MDFIC2: variants seen among roughly 807,000 people sequenced by gnomAD.
The protein encoded by MDFIC2 is myoD family inhibitor domain-containing protein 2.
At chr3:70,265,628 G>C (rs77335725) in intron 2 of MDFIC2, among the ~76,000 whole-genome samples, 6,375 of 152,228 alleles carry the variant, frequency 0.042, 257 homozygotes, top group East Asian at 0.15. Flanking sequence ...AGCAGATAAG[G>C]GACATTTTCT....
At chr3:70,279,376 G>T (rs969542897) in intron 2 of MDFIC2, among the ~76,000 whole-genome samples, 1 of 152,028 alleles carries the variant, frequency 6.6e-6, no homozygotes, top group Admixed American at 6.6e-5. Context: ...ATGGTCATTT[G>T]ATTAACTACA....
chr3:70,283,455 T>C (rs1433451707), intron 2 of MDFIC2, among the ~76,000 whole-genome samples: 1 of 152,114 alleles, frequency 6.6e-6, no homozygotes. Flanking sequence ...AGCAAGGGCC[T>C]TGAAGAGAGG....
intron 2 of MDFIC2, among the ~76,000 whole-genome samples, chr3:70,238,611 A>G (rs1253136902): frequency 1.3e-5 from 2 of 151,718 alleles, no homozygotes; most frequent in African/African-American, 4.8e-5. Context: ...ACTTGTCTCA[A>G]AAAAGAAAAA....
At chr3:70,259,931 G>T (rs1446591201) in intron 2 of MDFIC2, among the ~76,000 whole-genome samples, 1 of 152,120 alleles carries the variant, frequency 6.6e-6, no homozygotes, top group Admixed American at 6.5e-5. Context: ...AGTGCCAAGT[G>T]AAGGGGAAAG....
chr3:70,271,365 G>C (rs1388754968), intron 2 of MDFIC2, among the ~76,000 whole-genome samples: 1 of 152,154 alleles, frequency 6.6e-6, no homozygotes, highest in Non-Finnish European at 1.5e-5. Flanking sequence ...CTCCATTGGT[G>C]AGCTCACTGG....
intron 2 of MDFIC2, among the ~76,000 whole-genome samples, chr3:70,271,186 C>A (rs1352602198): frequency 2.0e-5 from 3 of 152,052 alleles, no homozygotes; most frequent in Non-Finnish European, 4.4e-5. Context: ...GACTTTTGCA[C>A]CAACCTAATT....
Position 70,212,268 on chromosome 3 carries a change from C to G in MDFIC2, c.89-5478G>C, listed in dbSNP as rs569568350. ...AGTAATCACAAATTACAGCTTCACA[C>G]TTGTAACTGTCTATTGGACATTTTT... On this transcript the variant is annotated intron_variant, in intron 2 of 3. Coordinates refer to ENST00000567252, the MANE Select transcript of MDFIC2 (RefSeq NM_001364677.1). Among the ~76,000 whole-genome samples, 149 of 152,274 alleles carry G rather than the reference C, an allele frequency of 9.8e-4. 1 individual carries two copies. The highest frequency in any genetic ancestry group is 6.8e-3 in the Middle Eastern group (2 of 294).
rs115193884 is a variant in MDFIC2, at chr3:70,272,739, T to C, written c.88+39147A>G. Among the ~76,000 whole-genome samples, 619 of 152,318 alleles carry C rather than the reference T, an allele frequency of 4.1e-3. 4 individuals are homozygous for C. Among genetic ancestry groups the C allele is most frequent in the African/African-American group, 0.015 (608 of 41,560 alleles). ...TTGCATTGCTGGAATGTACAAACAT[T>C]ATTATCCTTCCTCTAAATTCCCCTT... On this transcript the variant is annotated intron_variant, in intron 2 of 3. Coordinates refer to ENST00000567252, the MANE Select transcript of MDFIC2 (RefSeq NM_001364677.1).
At chr3:70,288,487 T>A (rs551817669) in intron 2 of MDFIC2, among the ~76,000 whole-genome samples, 1 of 151,302 alleles carries the variant, frequency 6.6e-6, no homozygotes, top group African/African-American at 2.4e-5. Flanking sequence ...AAGTATGTGG[T>A]CAATTTTGGA....
chr3:70,206,394 C>T (rs1041100866), intron 3 of MDFIC2, among the ~76,000 whole-genome samples, 175 bp downstream of exon 3: 1 of 152,050 alleles, frequency 6.6e-6, no homozygotes, highest in South Asian at 2.1e-4. Context: ...CTGCCAAGCG[C>T]CTCATAACTG....
intron 2 of MDFIC2, among the ~76,000 whole-genome samples, chr3:70,264,994 G>C (rs1701902783): frequency 6.6e-6 from 1 of 152,194 alleles, no homozygotes; most frequent in Non-Finnish European, 1.5e-5. Flanking sequence ...GTGGCAGCAA[G>C]AGAGCATGTG....
At chr3:70,305,131 A>G (rs986970677) in intron 2 of MDFIC2, among the ~76,000 whole-genome samples, 1 of 152,166 alleles carries the variant, frequency 6.6e-6, no homozygotes, top group African/African-American at 2.4e-5. Flanking sequence ...TCTTGTTTCA[A>G]AGCTTCGAAA....
intron 2 of MDFIC2, among the ~76,000 whole-genome samples, chr3:70,236,547 T>C (rs1701610825): frequency 6.6e-6 from 1 of 152,210 alleles, no homozygotes; most frequent in Non-Finnish European, 1.5e-5. Context: ...TATTAATTTT[T>C]TAAAGTCCAT....
rs374222183 is a variant in MDFIC2 at position 70,197,079 on chromosome 3, G to C, written c.417C>G (p.Pro139=). The C allele has an allele frequency of 1.8e-5, 7 of 398,470 alleles. No homozygotes were observed. Among genetic ancestry groups the C allele is most frequent in the Non-Finnish European group, 3.1e-5 (7 of 226,066 alleles). The allele number at this position is 398,470 out of a possible 1,614,324, so 24.7% of individuals were successfully genotyped here. The change falls in exon 4 of 4, where the codon CCC becomes CCG. Residue 139 remains proline (P), a synonymous_variant. Transcript: ENST00000567252. ...CCGAGGTGTGGTGATACCGGCGAGA[G>C]GGGCAGCACATTTTGGTACACACCG... ...CETVCTKMCC[P]SRRYHHTSDE...
intron 2 of MDFIC2, among the ~76,000 whole-genome samples, chr3:70,212,139 T>C (rs1701357723): frequency 6.6e-6 from 1 of 152,140 alleles, no homozygotes; most frequent in South Asian, 2.1e-4. Context: ...CATCCAAAGA[T>C]GCAGGCAATA....
At chr3:70,290,373 G>C (rs1160461083) in intron 2 of MDFIC2, among the ~76,000 whole-genome samples, 2 of 152,210 alleles carry the variant, frequency 1.3e-5, no homozygotes, top group Non-Finnish European at 2.9e-5. Context: ...AGGCTGCTCG[G>C]GGGCCAGGGG....
chr3:70,286,137 C>T (rs1180431644), intron 2 of MDFIC2, among the ~76,000 whole-genome samples: 1 of 152,168 alleles, frequency 6.6e-6, no homozygotes, highest in Non-Finnish European at 1.5e-5. Context: ...CTTGCCCATG[C>T]CTATGTCCTG....
chr3:70,258,244 T>G (rs748594642), intron 2 of MDFIC2, among the ~76,000 whole-genome samples: 1 of 152,180 alleles, frequency 6.6e-6, no homozygotes, highest in Non-Finnish European at 1.5e-5. Flanking sequence ...CAACAATTTC[T>G]TAGATCAGAC....
At chr3:70,304,268 G>T (rs1449892101) in intron 2 of MDFIC2, among the ~76,000 whole-genome samples, 1 of 152,070 alleles carries the variant, frequency 6.6e-6, no homozygotes, top group African/African-American at 2.4e-5. Context: ...CCTTCTACCA[G>T]AAATTTTATT....
Sources: gnomAD v4.1 joint callset for allele counts (sites outside exome capture counted in the v4.1 genomes callset) on GRCh38, gnomAD v4.1.1 for gene constraint, MANE v1.5 for transcripts, NCBI Gene and HGNC (gene_info 2026-07-23, HGNC 2026-07-21) for gene names.